Variants in TBC1D8 observed in about 807,000 individuals in gnomAD.
The protein encoded by TBC1D8 is BUB2-like protein 1.
Under a neutral mutation model 118.8 loss-of-function variants are expected in TBC1D8, and 65 were observed. The ratio of observed to expected loss-of-function variants is 0.55; its 90% CI spans 0.45 to 0.67. The LOEUF (loss-of-function observed/expected upper bound fraction) is 0.67. Ranked by LOEUF, TBC1D8 falls within the 30% of genes least tolerant of loss-of-function variation. The pLI is 0.00. For synonymous variants in TBC1D8, 566 were observed against 595.8 expected, an observed-to-expected ratio of 0.95 and a Z score of 0.73; for missense variants, 1,376 against 1,471.2, an observed-to-expected ratio of 0.94 and a Z score of 1.06.
At chr2:101,017,666 A>G (rs1218721145) in intron 17 of TBC1D8, among the ~76,000 whole-genome samples, 2 of 152,234 alleles carry the variant, frequency 1.3e-5, no homozygotes, top group Admixed American at 1.3e-4. Flanking sequence ...TGTATTTCCA[A>G]TTGTACTACA....
At chr2:101,047,508 A>G (rs572806120) in intron 5 of TBC1D8, among the ~76,000 whole-genome samples, 6 of 152,362 alleles carry the variant, frequency 3.9e-5, no homozygotes, top group East Asian at 1.9e-4. Flanking sequence ...CAGGGCTTCA[A>G]GAAGACTGAG....
intron 17 of TBC1D8, among the ~76,000 whole-genome samples, chr2:101,014,514 C>T (rs1679468931): frequency 6.6e-6 from 1 of 152,184 alleles, no homozygotes. Context: ...TTGTCTCCTC[C>T]AGCTAAATCT....
intron 2 of TBC1D8, among the ~76,000 whole-genome samples, chr2:101,069,804 T>C (rs1363278568): frequency 1.3e-5 from 2 of 152,294 alleles, no homozygotes; most frequent in East Asian, 3.9e-4. Flanking sequence ...TCTCAAGTCA[T>C]GTTTTTAGAA....
intron 1 of TBC1D8, among the ~76,000 whole-genome samples, chr2:101,129,808 G>C (rs1250421675): frequency 6.6e-6 from 1 of 151,974 alleles, no homozygotes; most frequent in African/African-American, 2.4e-5. Context: ...AGGAGACTGA[G>C]GCAGGAGAAT....
rs912184156 is a variant in TBC1D8 at position 101,091,979 on chromosome 2, C to T, written c.128-1615G>A. On this transcript the variant is annotated intron_variant, in intron 1 of 19. Coordinates refer to ENST00000409318, the MANE Select transcript of TBC1D8 (RefSeq NM_001330348.2). ...ATATATTTAGTACAAACACAGTATC[C>T]TCCTATATAACCACAGTACAACCAT... Among the ~76,000 whole-genome samples the T allele has an allele frequency of 3.9e-5, 6 of 152,202 alleles. No individual in the cohort carries two copies. In the South Asian group the frequency reaches 8.3e-4, roughly 21 times the overall value.
intron 1 of TBC1D8, among the ~76,000 whole-genome samples, chr2:101,130,501 A>G (rs1177196876): frequency 6.6e-6 from 1 of 152,262 alleles, no homozygotes; most frequent in Admixed American, 6.5e-5. Context: ...CAGCCAACAC[A>G]GGCAGGAACC....
At chr2:101,076,826 G>A (rs1674857997) in intron 2 of TBC1D8, among the ~76,000 whole-genome samples, 1 of 152,190 alleles carries the variant, frequency 6.6e-6, no homozygotes, top group South Asian at 2.1e-4. Context: ...ACATTTAGGT[G>A]ATAGTATAAA....
intron 2 of TBC1D8, among the ~76,000 whole-genome samples, chr2:101,086,718 T>C (rs1675653347): frequency 6.6e-6 from 1 of 152,228 alleles, no homozygotes; most frequent in African/African-American, 2.4e-5. Context: ...AGAGTTATTT[T>C]GGGCCACACA....
At chr2:101,149,128 G>C (rs1403744814) in intron 1 of TBC1D8, among the ~76,000 whole-genome samples, 1 of 152,164 alleles carries the variant, frequency 6.6e-6, no homozygotes. Flanking sequence ...TCTTTTTGTA[G>C]ACTTTTCCCT....
At chr2:101,136,316 A>G (rs1018094566) in intron 1 of TBC1D8, among the ~76,000 whole-genome samples, 1 of 152,110 alleles carries the variant, frequency 6.6e-6, no homozygotes, top group Non-Finnish European at 1.5e-5. Context: ...CGAACCTGGC[A>G]CCTACCCCTA....
chr2:101,012,852 C>T (rs189516491), intron 17 of TBC1D8, among the ~76,000 whole-genome samples: 17 of 152,310 alleles, frequency 1.1e-4, no homozygotes, highest in Admixed American at 2.0e-4. Flanking sequence ...GGCAGCAAAG[C>T]TTTGGAAAGC....
In TBC1D8 at chr2:101,096,796, GGAGAGAGA is replaced by G. The variant is rs139584234; in HGVS notation, c.128-6440_128-6433del. On this transcript the variant is annotated intron_variant, in intron 1 of 19. Transcript: ENST00000409318. ...CTGAAAAGCAAAGTGAGAGAGAGGGGGAGAGAGAGAGAGAGAGAGAGAGACAGCACAAG... is the reference window on the plus strand; with the variant it reads ...CTGAAAAGCAAAGTGAGAGAGAGGGGGAGAGAGAGAGAGAGACAGCACAAG... Among the ~76,000 whole-genome samples the G allele has an allele frequency of 5.3e-4, 77 of 146,600 alleles. 1 individual carries two copies. Among genetic ancestry groups the G allele is most frequent in the African/African-American group, 1.8e-3 (72 of 39,536 alleles).
rs1304168091 is a variant in TBC1D8 at position 101,038,646 on chromosome 2, T to A, written c.1090A>T (p.Ile364Phe). 1.2e-6 allele frequency: 2 copies of A among 1,613,960 alleles called. No individual in the cohort carries two copies. Among genetic ancestry groups the A allele is most frequent in the South Asian group, 2.2e-5 (2 of 91,084 alleles). Reference sequence around the variant, plus strand: ...AGGCTCGTGTCCTCCATCTTCTCGATGCTCACCACCTGCGCGAGAGGCAAC... The same window carrying A: ...AGGCTCGTGTCCTCCATCTTCTCGAAGCTCACCACCTGCGCGAGAGGCAAC... ...IILPLREVVS[I>F]EKMEDTSLLP... Residue 364 changes from isoleucine (I) to phenylalanine (F), a missense_variant, in exon 7 of 20, where the codon ATC becomes TTC. Coordinates refer to ENST00000409318, the MANE Select transcript of TBC1D8 (RefSeq NM_001330348.2).
chr2:101,085,107 T>C (rs950002693), intron 2 of TBC1D8, among the ~76,000 whole-genome samples: 2 of 152,000 alleles, frequency 1.3e-5, no homozygotes, highest in African/African-American at 4.8e-5. Flanking sequence ...CACCTCAGCC[T>C]CCCAAAGTGC....
intron 2 of TBC1D8, among the ~76,000 whole-genome samples, chr2:101,086,116 T>C (rs1675604840): frequency 6.7e-6 from 1 of 148,232 alleles, no homozygotes; most frequent in African/African-American, 2.5e-5. Context: ...CACTCTAGCC[T>C]GTGCAACAGA....
chr2:101,042,460 T>A (rs1413365049), intron 5 of TBC1D8, among the ~76,000 whole-genome samples: 3 of 152,208 alleles, frequency 2.0e-5, no homozygotes, highest in African/African-American at 7.2e-5. Flanking sequence ...TAACCCCGAA[T>A]GAGACTCTCT....
At chr2:101,147,234 G>A (rs567369230) in intron 1 of TBC1D8, among the ~76,000 whole-genome samples, 7 of 152,268 alleles carry the variant, frequency 4.6e-5, no homozygotes, top group Non-Finnish European at 1.0e-4. Context: ...CACTTAGGTC[G>A]ATTCCGTATC....
intron 5 of TBC1D8, 140 bp downstream of exon 5, chr2:101,050,261 T>G: frequency 7.8e-7 from 1 of 1,279,116 alleles, no homozygotes; most frequent in South Asian, 1.6e-5. Context: ...ATTAACGACA[T>G]ACAAAAATCT....
At chr2:101,137,493 T>C (rs1486375299) in intron 1 of TBC1D8, among the ~76,000 whole-genome samples, 1 of 151,848 alleles carries the variant, frequency 6.6e-6, no homozygotes, top group Non-Finnish European at 1.5e-5. Context: ...TTTGTATTTT[T>C]AGTAGAGACG....
Sources: allele counts gnomAD v4.1 joint callset (sites outside exome capture counted in the v4.1 genomes callset), GRCh38; gene constraint gnomAD v4.1.1; transcripts MANE v1.5; gene names NCBI Gene and HGNC (gene_info 2026-07-23, HGNC 2026-07-21).